TASP1: variants seen among roughly 807,000 people sequenced by gnomAD.
The protein encoded by TASP1 is taspase 1.
TASP1 carries 16 observed loss-of-function variants against 56.6 expected under a neutral mutation model. The ratio of observed to expected loss-of-function variants is 0.28; its 90% confidence interval spans 0.19 to 0.43. The LOEUF is 0.43. Among genes scored for constraint, TASP1 ranks in the 20% least tolerant of loss-of-function variants. The pLI, the probability that TASP1 is intolerant of heterozygous loss-of-function variation, is 1.00. For missense variants in TASP1, 393 were observed against 511.6 expected (o/e 0.77, Z 2.24); for synonymous variants, 179 against 184.2 (o/e 0.97, Z 0.23).
intron 4 of TASP1, among the ~76,000 whole-genome samples, chr20:13,602,504 G>A (rs1289542425): frequency 2.0e-5 from 3 of 152,152 alleles, no homozygotes; most frequent in African/African-American, 7.2e-5. Context: ...TGCTAATTAG[G>A]GAAACTGGAT....
chr20:13,335,364 A>C, the TASP1 span, among the ~76,000 whole-genome samples: 1 of 147,392 alleles, frequency 6.8e-6, no homozygotes, highest in Non-Finnish European at 1.5e-5. Flanking sequence ...ACACACACAA[A>C]CACACACCCT....
chr20:13,569,706 A>T, intron 6 of TASP1, 120 bp from the exon 7 acceptor site: 1 of 774,476 alleles, frequency 1.3e-6, no homozygotes, highest in Admixed American at 2.9e-5. Flanking sequence ...ATAATTCCAG[A>T]TTTACCTCAA....
chr20:13,366,652 A>C, the TASP1 span, among the ~76,000 whole-genome samples: 11 of 152,272 alleles, frequency 7.2e-5, no homozygotes, highest in African/African-American at 2.6e-4. Flanking sequence ...AGGTCAGCCA[A>C]ACACAAGTCC....
intron 13 of TASP1, chr20:13,393,217 C>CT: frequency 1.4e-6 from 1 of 726,086 alleles, no homozygotes; most frequent in Non-Finnish European, 2.6e-6. Flanking sequence ...CACGCTATCA[C>CT]TGCCACCCAG....
At chr20:13,553,591 A>G (rs929955134) in intron 8 of TASP1, among the ~76,000 whole-genome samples, 1 of 152,232 alleles carries the variant, frequency 6.6e-6, no homozygotes. Context: ...GCCAATTACC[A>G]AGAATGGATA....
the TASP1 span, among the ~76,000 whole-genome samples, chr20:13,289,205 T>C: frequency 6.6e-6 from 1 of 152,216 alleles, no homozygotes; most frequent in Non-Finnish European, 1.5e-5. Flanking sequence ...CGCATTGTAC[T>C]TATTTAATTT....
chr20:13,287,262 C>T, the TASP1 span, among the ~76,000 whole-genome samples: 1 of 152,294 alleles, frequency 6.6e-6, no homozygotes, highest in South Asian at 2.1e-4. Flanking sequence ...AGCAAAGGGA[C>T]ATCTTACATG....
chr20:13,596,270 G>T (rs1480405522), intron 4 of TASP1, among the ~76,000 whole-genome samples: 1 of 151,988 alleles, frequency 6.6e-6, no homozygotes, highest in Non-Finnish European at 1.5e-5. Flanking sequence ...ACATACTCGG[G>T]GGGCTGAGGC....
chr20:13,434,867 T>A (rs1274520874), intron 12 of TASP1, among the ~76,000 whole-genome samples, 177 bp downstream of exon 12: 2 of 152,170 alleles, frequency 1.3e-5, no homozygotes, highest in Non-Finnish European at 2.9e-5. Flanking sequence ...AAAATGAACA[T>A]TCATCTTTTA....
the TASP1 span, among the ~76,000 whole-genome samples, chr20:13,320,254 T>C: frequency 2.0e-5 from 3 of 152,186 alleles, no homozygotes; most frequent in African/African-American, 7.2e-5. Context: ...AGAGTGTGAG[T>C]TGAGCAAAAA....
At chr20:13,576,513 T>C (rs1485589871) in intron 6 of TASP1, among the ~76,000 whole-genome samples, 1 of 152,022 alleles carries the variant, frequency 6.6e-6, no homozygotes, top group Non-Finnish European at 1.5e-5. Flanking sequence ...CAATGAACAG[T>C]TGGAAATTAA....
chr20:13,621,526 T>C lies in TASP1; in HGVS notation c.282+1920A>G, dbSNP rs147201564. On this transcript the variant is annotated intron_variant, in intron 4 of 13. Transcript: ENST00000337743. ...GAATTCTATGCTACCATTATCCTTA[T>C]GACTTATTCCAAGCAAAAATAATAG... Among the ~76,000 whole-genome samples the C allele has an allele frequency of 7.2e-3, 1,094 of 152,290 alleles. 7 individuals are homozygous for C. Among genetic ancestry groups the C allele is most frequent in the Middle Eastern group, 0.01 (3 of 294 alleles).
At chr20:13,253,993 G>A in the TASP1 span, among the ~76,000 whole-genome samples, 7 of 150,492 alleles carry the variant, frequency 4.7e-5, no homozygotes, top group Admixed American at 6.6e-5. Context: ...CGAGGTGAGC[G>A]GATCACTTGA....
the TASP1 span, among the ~76,000 whole-genome samples, chr20:13,222,795 CAACTGTA>C: frequency 6.6e-6 from 1 of 152,180 alleles, no homozygotes; most frequent in Admixed American, 6.5e-5. Context: ...AGGGGTGGGA[CAACTGTA>C]AACTTGGAGC....
intron 12 of TASP1, among the ~76,000 whole-genome samples, chr20:13,419,251 T>C (rs2042358868): frequency 6.6e-6 from 1 of 152,110 alleles, no homozygotes; most frequent in South Asian, 2.1e-4. Flanking sequence ...AAAATGCACT[T>C]ATTTGTTTGT....
chr20:13,451,570 G>A (rs778815993), intron 11 of TASP1, among the ~76,000 whole-genome samples: 1 of 152,038 alleles, frequency 6.6e-6, no homozygotes, highest in Non-Finnish European at 1.5e-5. Flanking sequence ...ATGAATCTCT[G>A]CTAGATTCAA....
At chr20:13,637,982 C>T (rs1430649456) in intron 1 of TASP1, among the ~76,000 whole-genome samples, 1 of 152,088 alleles carries the variant, frequency 6.6e-6, no homozygotes, top group African/African-American at 2.4e-5. Context: ...TTAGTTATAA[C>T]CGTATTTTAC....
chr20:13,299,453 A>G, the TASP1 span: 1 of 1,595,202 alleles, frequency 6.3e-7, no homozygotes, highest in African/African-American at 1.3e-5. The surrounding 1 kb of genome is among the most constrained non-coding windows in gnomAD (Gnocchi z 5.8). Flanking sequence ...AGGCCAGGGA[A>G]TATTAAAGAG....
the TASP1 span, among the ~76,000 whole-genome samples, chr20:13,130,561 A>G: frequency 3.9e-5 from 6 of 152,250 alleles, no homozygotes; most frequent in African/African-American, 1.4e-4. Flanking sequence ...TCCCAGTGAA[A>G]TGACAATGTT....
Sources: gnomAD v4.1 joint callset for allele counts (sites outside exome capture counted in the v4.1 genomes callset) on GRCh38, gnomAD v4.1.1 for gene constraint, Gnocchi (gnomAD v3.1) non-coding constraint, MANE v1.5 for transcripts, NCBI Gene and HGNC (gene_info 2026-07-23, HGNC 2026-07-21) for gene names.